Variants in ABI3BP observed in about 807,000 individuals in gnomAD.
The protein encoded by ABI3BP is ABI family member 3 binding protein, also known as target of Nesh-SH3.
In ABI3BP, 216 loss-of-function variants were observed where a neutral mutation model predicts 268.6. The ratio of observed to expected loss-of-function variants is 0.80; its 90% CI spans 0.72 to 0.90. ABI3BP has a LOEUF of 0.90. ABI3BP is among the 40% of genes least tolerant of loss of function. The pLI is 0.00. For missense variants in ABI3BP, 2,090 were observed against 2,182.4 expected (o/e 0.96, Z 0.84); for synonymous variants, 730 against 730.0 (o/e 1.00, Z 0.00).
intron 27 of ABI3BP, among the ~76,000 whole-genome samples, chr3:100,836,313 T>C (rs1471888696): frequency 6.6e-6 from 1 of 152,174 alleles, no homozygotes; most frequent in African/African-American, 2.4e-5. Context: ...TATACATAGA[T>C]ATAAAATTAA....
chr3:100,787,795 A>G lies in ABI3BP; in HGVS notation c.4095T>C (p.Asn1365=). ...GCCTAGTAGGTCTTGTAGTTGTCCTATTCAGAACTAAAATAAAGTGGGATA... is the reference window on the plus strand; with the variant it reads ...GCCTAGTAGGTCTTGTAGTTGTCCTGTTCAGAACTAAAATAAAGTGGGATA... The part of the protein sequence containing the change: ...SDKPHIRPVL[N]RTTTRPTRPK... Residue 1365 remains asparagine (N), a synonymous_variant, in exon 57 of 68, where the codon AAT becomes AAC. Coordinates refer to ENST00000471714, the MANE Select transcript of ABI3BP (RefSeq NM_001375547.2). 6.6e-7 allele frequency: 1 copy of G among 1,521,766 alleles called. No homozygotes were observed. Among genetic ancestry groups the G allele is most frequent in the Non-Finnish European group, 8.8e-7 (1 of 1,141,318 alleles). 94.3% of individuals were successfully genotyped at this position (1,521,766 alleles called of 1,614,324 possible). A position where few individuals can be genotyped will look rare whatever the true frequency, so the allele number is the denominator to read the frequency against.
chr3:100,770,859 C>T lies in ABI3BP; in HGVS notation c.4625G>A (p.Gly1542Glu), dbSNP rs373441288. 1.9e-6 allele frequency: 3 copies of T among 1,604,268 alleles called. No homozygotes were observed. The highest frequency in any genetic ancestry group is 2.6e-6 in the Non-Finnish European group (3 of 1,175,298). ...GTTCTGTGGTGGGCTGGTGGCATTC[C>T]CCTCTGTGGCCTCCTCTTTGGGGAA... Reference protein sequence around the residue: ...KRFPKEEATEGNATSPPQNPP... With the variant: ...KRFPKEEATEENATSPPQNPP... The change falls in exon 62 of 68, where the codon GGG becomes GAG. Residue 1542 changes from glycine to glutamate, a missense_variant. Transcript: ENST00000471714.
intron 1 of ABI3BP, among the ~76,000 whole-genome samples, chr3:100,970,236 G>C (rs183276662): frequency 6.6e-6 from 1 of 152,204 alleles, no homozygotes; most frequent in Non-Finnish European, 1.5e-5. Flanking sequence ...ACTGGCTTTT[G>C]ATTTGAAGCA....
At chr3:100,886,420 G>C in intron 4 of ABI3BP, 97 bp from the exon 5 acceptor site, 1 of 917,248 alleles carries the variant, frequency 1.1e-6, no homozygotes, top group East Asian at 3.1e-5. Flanking sequence ...ACCAACTTGG[G>C]ATACTATTTA....
At position 100,894,938 on chromosome 3, in the gene ABI3BP, CAAAAAAAAAAAAAAAAA is replaced by C. The variant is rs58342344; in HGVS notation, c.461+3807_461+3823del. On this transcript the variant is annotated intron_variant, in intron 4 of 67. Transcript: ENST00000471714. ...TGGGCGACAGAGCGGGATTCCGCTT[CAAAAAAAAAAAAAAAAA>C]AAAAAAAAAAAACAGAAAAAAAAAA... Among the ~76,000 whole-genome samples, 4 of 37,732 alleles carry C rather than the reference CAAAAAAAAAAAAAAAAA, an allele frequency of 1.1e-4. 1 individual carries two copies. Among genetic ancestry groups the C allele is most frequent in the Non-Finnish European group, 1.8e-4 (4 of 22,284 alleles). The allele number at this position is 37,732 out of a possible 152,430, so 24.8% of individuals were successfully genotyped here.
At position 100,750,380 on chromosome 3, in the gene ABI3BP, A is replaced by C. The variant is rs957631861; in HGVS notation, c.*115T>G. ...TAATAAACATCTAGTATTGCTATTA[A>C]TTAGATTGTAGACTTTTATACATAG... On this transcript the variant is annotated 3_prime_UTR_variant, in exon 68 of 68. Coordinates refer to ENST00000471714, the MANE Select transcript of ABI3BP (RefSeq NM_001375547.2). The C allele has an allele frequency of 8.9e-6, 6 of 677,166 alleles. No individual in the cohort carries two copies. The highest frequency in any genetic ancestry group is 1.4e-5 in the Non-Finnish European group (6 of 414,174). 41.9% of individuals were successfully genotyped at this position (677,166 alleles called of 1,614,324 possible).
intron 16 of ABI3BP, 98 bp downstream of exon 16, chr3:100,850,562 G>C: frequency 2.4e-6 from 2 of 850,562 alleles, no homozygotes; most frequent in Non-Finnish European, 2.0e-6. Context: ...TAAATGATTA[G>C]ATGTGATGGA....
chr3:100,926,203 G>A (rs2061754779), intron 2 of ABI3BP, 99 bp downstream of exon 2: 3 of 1,250,588 alleles, frequency 2.4e-6, no homozygotes, highest in Middle Eastern at 2.5e-4. Flanking sequence ...AGCTAAGGAT[G>A]TAGAAAAAAT....
intron 2 of ABI3BP, among the ~76,000 whole-genome samples, chr3:100,915,205 C>A (rs1352802062): frequency 6.6e-6 from 1 of 152,096 alleles, no homozygotes; most frequent in Non-Finnish European, 1.5e-5. Flanking sequence ...GATCAAAGTG[C>A]TTTACTCTTA....
chr3:100,896,780 C>T (rs1177869385), intron 4 of ABI3BP, among the ~76,000 whole-genome samples: 1 of 152,062 alleles, frequency 6.6e-6, no homozygotes, highest in Admixed American at 6.6e-5. Flanking sequence ...ATTTTCCAAA[C>T]AAAATAAGTC....
At chr3:100,874,955 T>C (rs1481833720) in intron 8 of ABI3BP, 22 bp from the exon 9 acceptor site, 3 of 1,414,216 alleles carry the variant, frequency 2.1e-6, no homozygotes, top group East Asian at 2.3e-5. Flanking sequence ...TAGATGTAAA[T>C]AAGATAAGGG....
In ABI3BP at chr3:100,817,482, G is replaced by A. The variant is rs747788706; in HGVS notation, c.3102C>T (p.Val1034=). ...EAPKTMVVTT[V]LEPDTFRTKF... is the part of the protein sequence containing the mutation. Reference sequence around the variant, plus strand: ...TGGTTCTAAAAGTGTCAGGTTCAAGGACTGTAGTAACAACTAGACAAAAAT... The same window carrying A: ...TGGTTCTAAAAGTGTCAGGTTCAAGAACTGTAGTAACAACTAGACAAAAAT... Residue 1034 remains valine, a synonymous_variant, in exon 42 of 68, where the codon GTC becomes GTT. Coordinates refer to ENST00000471714, the MANE Select transcript of ABI3BP (RefSeq NM_001375547.2). 1 of 1,504,758 alleles carries A rather than the reference G, an allele frequency of 6.6e-7. No homozygotes were observed. The highest frequency in any genetic ancestry group is 1.3e-5 in the South Asian group (1 of 79,078). The allele number at this position is 1,504,758 out of a possible 1,614,324, so 93.2% of individuals were successfully genotyped here. A position where few individuals can be genotyped will look rare whatever the true frequency, so the allele number is the denominator to read the frequency against.
intron 51 of ABI3BP, among the ~76,000 whole-genome samples, chr3:100,800,921 T>C (rs1424688456): frequency 1.3e-5 from 2 of 152,240 alleles, no homozygotes; most frequent in African/African-American, 4.8e-5. Context: ...TTTTCTGTTA[T>C]TTCATTTTTT....
chr3:100,944,038 T>C (rs1301382396), intron 1 of ABI3BP, among the ~76,000 whole-genome samples: 1 of 152,094 alleles, frequency 6.6e-6, no homozygotes, highest in African/African-American at 2.4e-5. Flanking sequence ...ATATAATGAC[T>C]TCATCTTCAC....
chr3:100,879,018 T>C (rs984545282), intron 6 of ABI3BP, among the ~76,000 whole-genome samples: 3 of 152,258 alleles, frequency 2.0e-5, no homozygotes, highest in Admixed American at 6.5e-5. Context: ...TGTCATTTTT[T>C]TGTGGCAAGG....
At chr3:100,904,298 C>T (rs920357605) in intron 2 of ABI3BP, among the ~76,000 whole-genome samples, 12 of 152,280 alleles carry the variant, frequency 7.9e-5, no homozygotes, top group African/African-American at 2.9e-4. Flanking sequence ...TAAGGTCCTG[C>T]TGTCACCATC....
At chr3:100,816,411 A>G (rs907140074) in intron 43 of ABI3BP, 19 of 553,098 alleles carry the variant, frequency 3.4e-5, no homozygotes, top group Non-Finnish European at 4.5e-5. Flanking sequence ...AATACCCATG[A>G]GTATGCTAAT....
intron 1 of ABI3BP, among the ~76,000 whole-genome samples, chr3:100,991,206 C>G (rs2092858108): frequency 1.3e-5 from 2 of 152,146 alleles, no homozygotes; most frequent in Non-Finnish European, 2.9e-5. Flanking sequence ...AATATCTTTT[C>G]TAGCTCCAGA....
At chr3:100,970,101 G>T (rs1242138557) in intron 1 of ABI3BP, among the ~76,000 whole-genome samples, 2 of 152,138 alleles carry the variant, frequency 1.3e-5, no homozygotes, top group African/African-American at 4.8e-5. Flanking sequence ...TATAGTCACA[G>T]GCCTAGATGG....
Sources: gnomAD v4.1 joint callset for allele counts (sites outside exome capture counted in the v4.1 genomes callset) on GRCh38, gnomAD v4.1.1 for gene constraint, MANE v1.5 for transcripts, NCBI Gene and HGNC (gene_info 2026-07-23, HGNC 2026-07-21) for gene names.